Variants in KCNU1 observed in about 807,000 individuals in gnomAD.
KCNU1 encodes potassium calcium-activated channel subfamily U member 1.
Under a neutral mutation model 126.8 loss-of-function variants are expected in KCNU1, and 93 were observed. The observed-to-expected ratio is 0.73, with a 90% CI of 0.62 to 0.87. The LOEUF (loss-of-function observed/expected upper bound fraction) is 0.87, where lower values mean the gene tolerates loss of function less well. Among genes scored for constraint, KCNU1 ranks in the 40% least tolerant of loss-of-function variants. KCNU1 has a pLI of 0.00. For synonymous variants in KCNU1, 523 were observed against 494.2 expected, an observed-to-expected ratio of 1.06 and a Z score of -0.77; for missense variants, 1,330 against 1,367.1, an observed-to-expected ratio of 0.97 and a Z score of 0.43.
intron 3 of KCNU1, 150 bp downstream of exon 3, chr8:36,804,238 C>T (rs58559738): frequency 4.7e-6 from 3 of 633,270 alleles, no homozygotes; most frequent in Non-Finnish European, 5.5e-6. Context: ...TGTTTGGCTT[C>T]TCCCAGTAAG....
intron 9 of KCNU1, 79 bp from the exon 10 acceptor site, chr8:36,817,571 C>G: frequency 1.5e-6 from 1 of 649,764 alleles, no homozygotes; most frequent in South Asian, 2.0e-5. Context: ...AAGTTTAAGC[C>G]AATTATTTAT....
At position 36,845,816 on chromosome 8, in the gene KCNU1, G is replaced by A. The variant is rs1227957731; in HGVS notation, c.1808G>A (p.Cys603Tyr). The A allele has an allele frequency of 1.2e-6, 2 of 1,608,720 alleles. No homozygotes were observed. The highest frequency in any genetic ancestry group is 2.2e-5 in the East Asian group (1 of 44,716). The change falls in exon 18 of 27, where the codon TGT becomes TAT. Residue 603 changes from cysteine (C) to tyrosine (Y), a missense_variant. This residue lies in a region of KCNU1 where 1,054 missense variants were observed against 1,053.9 expected (regional missense o/e 1.00). Transcript: ENST00000399881. ...TCATTGTCCAGAGCCTTGTTTTACT[G>A]TTCAGTCTGTCATGATGATGTGTTC... ...PKDVRRALFY[C>Y]SVCHDDVFIP...
intron 7 of KCNU1, among the ~76,000 whole-genome samples, chr8:36,809,658 G>A (rs989606632): frequency 2.0e-5 from 3 of 152,134 alleles, no homozygotes; most frequent in Admixed American, 2.0e-4. Flanking sequence ...AGCAGTAAAG[G>A]CTGATTCCTA....
chr8:36,931,978 T>C (rs1277170439), intron 25 of KCNU1, among the ~76,000 whole-genome samples: 1 of 152,130 alleles, frequency 6.6e-6, no homozygotes, highest in Non-Finnish European at 1.5e-5. Context: ...TTGGTTTTAA[T>C]TGGCATTGCA....
intron 18 of KCNU1, among the ~76,000 whole-genome samples, chr8:36,853,254 GC>G (rs1244593119): frequency 6.6e-6 from 1 of 152,172 alleles, no homozygotes; most frequent in Non-Finnish European, 1.5e-5. Context: ...GGAGGCTGAG[GC>G]AGGAGAGTCA....
chr8:36,809,783 T>G lies in KCNU1; in HGVS notation c.732+990T>G, dbSNP rs1371208539. On this transcript the variant is annotated intron_variant, in intron 7 of 26. Coordinates refer to ENST00000399881, the MANE Select transcript of KCNU1 (RefSeq NM_001031836.3). ...ATGCTAAAGGAAAAGTCATTAGGAC[T>G]TTTTTTTCTTTTTCCTTTAATAGCT... Among the ~76,000 whole-genome samples the G allele has an allele frequency of 3.9e-5, 6 of 151,940 alleles. No homozygotes were observed. The East Asian group carries it at 1.2e-3, about 29-fold the overall frequency.
chr8:36,856,739 A>G (rs902631120), intron 18 of KCNU1, among the ~76,000 whole-genome samples: 10 of 152,190 alleles, frequency 6.6e-5, no homozygotes, highest in African/African-American at 1.9e-4. Flanking sequence ...GTATTACGCA[A>G]TTAAATTTGG....
chr8:36,845,558 T>G, intron 16 of KCNU1, 22 bp from the exon 17 acceptor site: 1 of 1,389,112 alleles, frequency 7.2e-7, no homozygotes, highest in Non-Finnish European at 1.0e-6. Flanking sequence ...AACATTACCA[T>G]GTGTTTATTT....
chr8:36,908,377 T>A (rs1487969945), intron 20 of KCNU1, among the ~76,000 whole-genome samples: 3 of 150,230 alleles, frequency 2.0e-5, no homozygotes, highest in African/African-American at 5.0e-5. Context: ...TCAAATGAAA[T>A]TTTTTTTATT....
At chr8:36,879,011 A>C (rs1367053848) in intron 19 of KCNU1, among the ~76,000 whole-genome samples, 1 of 147,902 alleles carries the variant, frequency 6.8e-6, no homozygotes, top group African/African-American at 2.5e-5. Context: ...TATGATAGCA[A>C]ATCATCGGGA....
In KCNU1 at chr8:36,931,165, A is replaced by AATTCAG; in HGVS notation, c.2931+21_2931+26dup. 6.4e-7 allele frequency: 1 copy of AATTCAG among 1,570,092 alleles called. No individual in the cohort carries two copies. The highest frequency in any genetic ancestry group is 1.2e-5 in the South Asian group (1 of 84,408). On this transcript the variant is annotated intron_variant, in intron 25 of 26. Transcript: ENST00000399881. ...GTTAATGTGAGTCTACTCTTCTCAG[A>AATTCAG]ATTCAGTTTTTCACTTCTTTACCTC...
intron 5 of KCNU1, among the ~76,000 whole-genome samples, chr8:36,806,688 G>T (rs1165706446): frequency 6.6e-6 from 1 of 152,086 alleles, no homozygotes; most frequent in Admixed American, 6.6e-5. Context: ...CACAGGAGCT[G>T]GGGGAGATGA....
chr8:36,932,195 C>A (rs774349661), intron 25 of KCNU1, among the ~76,000 whole-genome samples: 2 of 152,106 alleles, frequency 1.3e-5, no homozygotes, highest in Non-Finnish European at 2.9e-5. Flanking sequence ...GTAGTCTGGT[C>A]CTTTGCATTT....
At chr8:36,823,748 A>T (rs1354630131) in intron 10 of KCNU1, among the ~76,000 whole-genome samples, 1 of 152,124 alleles carries the variant, frequency 6.6e-6, no homozygotes, top group Non-Finnish European at 1.5e-5. Context: ...AAGAGTTGCA[A>T]ATGGGTCATT....
At chr8:36,833,973 G>A (rs1258457422) in intron 11 of KCNU1, among the ~76,000 whole-genome samples, 1 of 152,158 alleles carries the variant, frequency 6.6e-6, no homozygotes, top group Non-Finnish European at 1.5e-5. Flanking sequence ...AGCAAGGTGT[G>A]TTTGATCTTA....
At chr8:36,882,266 G>A (rs992047235) in intron 19 of KCNU1, among the ~76,000 whole-genome samples, 2 of 152,198 alleles carry the variant, frequency 1.3e-5, no homozygotes, top group Admixed American at 1.3e-4. Flanking sequence ...GGCTGTGGAG[G>A]AATGTTTCTT....
At chr8:36,875,993 C>A (rs1806266483) in intron 19 of KCNU1, among the ~76,000 whole-genome samples, 2 of 152,112 alleles carry the variant, frequency 1.3e-5, no homozygotes, top group South Asian at 4.1e-4. Context: ...AATGGATCAG[C>A]CTTGGAAACC....
At chr8:36,900,083 T>A (rs1371783138) in intron 19 of KCNU1, among the ~76,000 whole-genome samples, 1 of 152,042 alleles carries the variant, frequency 6.6e-6, no homozygotes, top group Non-Finnish European at 1.5e-5. Flanking sequence ...TCCCATGAGA[T>A]TTCATGGCAG....
At chr8:36,844,111 G>A (rs182427415) in intron 16 of KCNU1, among the ~76,000 whole-genome samples, 2 of 152,276 alleles carry the variant, frequency 1.3e-5, no homozygotes, top group East Asian at 3.9e-4. Flanking sequence ...AGGCGCAGTG[G>A]CTCATGCCTG....
Sources: allele counts gnomAD v4.1 joint callset (sites outside exome capture counted in the v4.1 genomes callset), GRCh38; gene constraint gnomAD v4.1.1; regional missense constraint gnomAD v4.1.1; transcripts MANE v1.5; gene names NCBI Gene and HGNC (gene_info 2026-07-23, HGNC 2026-07-21).